The following DENND2A variants were observed in gnomAD, a reference collection of about 807,000 sequenced individuals.
DENND2A encodes the protein DENN domain-containing protein 2A.
A neutral mutation model predicts 105.3 loss-of-function variants in DENND2A; 53 were observed. The observed-to-expected ratio is 0.50, with a 90% CI of 0.40 to 0.63. The LOEUF is 0.63. Among genes scored for constraint, DENND2A ranks in the 30% least tolerant of loss-of-function variants. DENND2A has a pLI of 0.00. For synonymous variants in DENND2A, 522 were observed against 508.4 expected (o/e 1.03, Z -0.36); for missense variants, 1,138 against 1,279.6 (o/e 0.89, Z 1.69).
Position 140,602,049 on chromosome 7 carries a change from C to T in DENND2A, c.349G>A (p.Val117Ile), listed in dbSNP as rs754435073. The change falls in exon 3 of 20, where the codon GTC (valine) becomes ATC (isoleucine). Residue 117 changes from valine (V) to isoleucine (I), a missense_variant. By Grantham distance (29) the Val-to-Ile change is conservative (BLOSUM62 3). This residue lies in a region of DENND2A where 511 missense variants were observed against 499.9 expected (regional missense o/e 1.02). Transcript: ENST00000496613. ...EKERNKGAVNVGGQDPEPGQD... is the reference protein window; with the variant it reads ...EKERNKGAVNIGGQDPEPGQD... ...CCCGGCTCTGGGTCCTGTCCCCCGA[C>T]GTTCACTGCTCCTTTATTCCTCTCC... 5.0e-6 allele frequency: 8 copies of T among 1,614,092 alleles called. No homozygotes were observed. The highest frequency in any genetic ancestry group is 2.7e-5 in the African/African-American group (2 of 74,932).
At chr7:140,565,006 G>A (rs1438483505) in intron 9 of DENND2A, among the ~76,000 whole-genome samples, 2 of 152,186 alleles carry the variant, frequency 1.3e-5, no homozygotes, top group Non-Finnish European at 2.9e-5. Flanking sequence ...ATAGCTAGAG[G>A]AAGGTGAGTG....
At chr7:140,592,444 G>T (rs151206073) in intron 3 of DENND2A, among the ~76,000 whole-genome samples, 1 of 151,732 alleles carries the variant, frequency 6.6e-6, no homozygotes, top group Non-Finnish European at 1.5e-5. Flanking sequence ...ATCTCCTGAC[G>T]TTGTGATCTG....
At chr7:140,547,448 G>A (rs997069707) in intron 12 of DENND2A, among the ~76,000 whole-genome samples, 3 of 152,106 alleles carry the variant, frequency 2.0e-5, no homozygotes, top group Admixed American at 1.3e-4. Flanking sequence ...CTTCACACCC[G>A]TTAGGATGAC....
chr7:140,626,319 C>T (rs912296024), intron 1 of DENND2A, among the ~76,000 whole-genome samples: 1 of 152,232 alleles, frequency 6.6e-6, no homozygotes, highest in Non-Finnish European at 1.5e-5. Context: ...CCAGAGGCAG[C>T]CCTCAGGCTG....
At chr7:140,616,770 C>T (rs959932751) in intron 1 of DENND2A, among the ~76,000 whole-genome samples, 14 of 152,118 alleles carry the variant, frequency 9.2e-5, no homozygotes, top group African/African-American at 3.4e-4. Context: ...GAGTTGCTGG[C>T]CTAGAGTTGA....
At chr7:140,581,728 C>T (rs1798551672) in intron 5 of DENND2A, among the ~76,000 whole-genome samples, 1 of 152,180 alleles carries the variant, frequency 6.6e-6, no homozygotes. Context: ...GGATCCGTGG[C>T]AATCAGACAC....
intron 2 of DENND2A, 119 bp from the exon 3 acceptor site, chr7:140,602,661 T>G: frequency 3.3e-6 from 1 of 304,986 alleles, no homozygotes; most frequent in Non-Finnish European, 5.9e-6. Flanking sequence ...AACATTGAAA[T>G]TCCTATTAAA....
At position 140,573,973 on chromosome 7, in the gene DENND2A, A is replaced by G; in HGVS notation, c.1281T>C (p.Asn427=). The G allele has an allele frequency of 6.2e-7, 1 of 1,614,128 alleles. No individual in the cohort carries two copies. Among genetic ancestry groups the G allele is most frequent in the Non-Finnish European group, 8.5e-7 (1 of 1,180,032 alleles). The change falls in exon 6 of 20, where the codon AAT becomes AAC. Residue 427 remains asparagine, a synonymous_variant. Transcript: ENST00000496613. ...GCAGCTTGAAGTTCCTCCTCTCTGA[A>G]TTTTGTCGGAAAAAAGCAGGTTTGG... ...SLSKPAFFRQ[N]SERRNFKLLD...
Position 140,602,101 on chromosome 7 carries a change from C to T in DENND2A, c.297G>A (p.Met99Ile), listed in dbSNP as rs1009087428. ...RTQVTEAKNGMRPGTESTEKE... is the reference protein window; with the variant it reads ...RTQVTEAKNGIRPGTESTEKE... ...TCTCTGTGCTCTCTGTTCCTGGCCT[C>T]ATTCCATTCTTAGCCTCTGTGACCT... Residue 99 changes from methionine (M) to isoleucine (I), a missense_variant, in exon 3 of 20, where the codon ATG becomes ATA. Physicochemically the swap from Met to Ile is conservative, Grantham distance 10. Transcript: ENST00000496613. The T allele has an allele frequency of 6.2e-7, 1 of 1,614,190 alleles. No individual in the cohort carries two copies. The highest frequency in any genetic ancestry group is 8.5e-7 in the Non-Finnish European group (1 of 1,180,024).
chr7:140,567,203 C>T lies in DENND2A; in HGVS notation c.1662G>A (p.Arg554=), dbSNP rs761027420. 6.2e-7 allele frequency: 1 copy of T among 1,613,370 alleles called. No individual in the cohort carries two copies. Among genetic ancestry groups the T allele is most frequent in the Non-Finnish European group, 8.5e-7 (1 of 1,179,800 alleles). The change falls in exon 9 of 20, where the codon CGG becomes CGA. Residue 554 remains arginine (R), a synonymous_variant. Coordinates refer to ENST00000496613, the MANE Select transcript of DENND2A (RefSeq NM_015689.5). The part of the protein sequence containing the change: ...KQAPRYPSLA[R]ELIEYQERQL... ...GCCTCTCCTGGTACTCGATGAGTTC[C>T]CGGGCAAGTGATGGGTACCGAGGCG...
At chr7:140,631,788 A>AGCTGC (rs1800741928) in intron 1 of DENND2A, among the ~76,000 whole-genome samples, 2 of 152,132 alleles carry the variant, frequency 1.3e-5, no homozygotes, top group Non-Finnish European at 2.9e-5. Flanking sequence ...TCAGAGTATT[A>AGCTGC]AGTAGAGAAT....
At chr7:140,630,410 A>T (rs1356117026) in intron 1 of DENND2A, among the ~76,000 whole-genome samples, 1 of 152,150 alleles carries the variant, frequency 6.6e-6, no homozygotes, top group East Asian at 1.9e-4. Flanking sequence ...TTTATTCCCT[A>T]CAATGCCTAA....
intron 14 of DENND2A, among the ~76,000 whole-genome samples, chr7:140,529,065 A>G (rs1176524304): frequency 6.6e-6 from 1 of 152,196 alleles, no homozygotes; most frequent in African/African-American, 2.4e-5. Flanking sequence ...AGATTGCGCC[A>G]TTGCACTCCA....
chr7:140,539,555 C>T (rs1231732598), intron 14 of DENND2A, among the ~76,000 whole-genome samples: 3 of 152,206 alleles, frequency 2.0e-5, no homozygotes, highest in Non-Finnish European at 4.4e-5. Flanking sequence ...GAGTCTGCAG[C>T]CCAGCTGCTT....
At chr7:140,524,813 C>T (rs1795994402) in intron 16 of DENND2A, among the ~76,000 whole-genome samples, 1 of 151,806 alleles carries the variant, frequency 6.6e-6, no homozygotes, top group East Asian at 1.9e-4. Flanking sequence ...AACTCCTGGG[C>T]TCAAGTGATC....
At chr7:140,591,748 TTC>T (rs1585708833) in intron 3 of DENND2A, among the ~76,000 whole-genome samples, 1 of 150,278 alleles carries the variant, frequency 6.7e-6, no homozygotes. Context: ...TCTCTTTTCT[TTC>T]TCTTTCCCTC....
At chr7:140,544,851 AGGTCCT>A in intron 13 of DENND2A, 85 bp from the exon 14 acceptor site, 1 of 1,539,884 alleles carries the variant, frequency 6.5e-7, no homozygotes, top group South Asian at 1.2e-5. Flanking sequence ...CAGGGCTCTG[AGGTCCT>A]CATCAGGGGT....
intron 1 of DENND2A, among the ~76,000 whole-genome samples, chr7:140,607,187 T>C (rs1032973480): frequency 3.1e-4 from 47 of 152,326 alleles, no homozygotes; most frequent in Middle Eastern, 3.4e-3. Flanking sequence ...GTTTCCCTGC[T>C]AGGTGATGGG....
chr7:140,520,418 T>C (rs1795814454), intron 18 of DENND2A, among the ~76,000 whole-genome samples: 1 of 152,084 alleles, frequency 6.6e-6, no homozygotes, highest in African/African-American at 2.4e-5. Flanking sequence ...GGCTTAGTTT[T>C]CCAGGAGTCC....
Sources: gnomAD v4.1 joint callset for allele counts (sites outside exome capture counted in the v4.1 genomes callset) on GRCh38, gnomAD v4.1.1 for gene constraint, gnomAD v4.1.1 regional missense constraint, MANE v1.5 for transcripts, NCBI Gene and HGNC (gene_info 2026-07-23, HGNC 2026-07-21) for gene names.